SYTL5: variants seen among roughly 807,000 people sequenced by gnomAD.
SYTL5 encodes the protein synaptotagmin-like protein 5.
A neutral mutation model predicts 55.9 loss-of-function variants in SYTL5; 34 were observed. The ratio of observed to expected loss-of-function variants is 0.61; its 90% CI spans 0.46 to 0.81. The LOEUF (loss-of-function observed/expected upper bound fraction) is 0.81, where lower values mean the gene tolerates loss of function less well. Among genes scored for constraint, SYTL5 ranks in the 30% least tolerant of loss-of-function variants. The pLI is 0.00. For synonymous variants in SYTL5, 221 were observed against 188.7 expected (o/e 1.17, Z -1.40); for missense variants, 637 against 546.7 (o/e 1.17, Z -1.65).
At chrX:38,055,225 G>C (rs914735361) in intron 3 of SYTL5, among the ~76,000 whole-genome samples, 1 of 111,629 alleles carries the variant, frequency 9.0e-6, no homozygotes, top group African/African-American at 3.3e-5. Context: ...CCTCCAAACC[G>C]AATTTCCTCC....
At chrX:37,958,953 G>T in the SYTL5 span, among the ~76,000 whole-genome samples, 14 of 112,313 alleles carry the variant, frequency 1.2e-4, no homozygotes, top group Middle Eastern at 4.6e-3. Flanking sequence ...GGCGTGGGAG[G>T]GGGGGTTGGA....
chrX:38,117,727 T>A (rs1412448355), intron 13 of SYTL5, among the ~76,000 whole-genome samples: 1 of 111,906 alleles, frequency 8.9e-6, no homozygotes, highest in African/African-American at 3.2e-5. Flanking sequence ...TTACACATGA[T>A]GTTGACTGCT....
At chrX:37,906,913 G>A in the SYTL5 span, among the ~76,000 whole-genome samples, 1 of 112,133 alleles carries the variant, frequency 8.9e-6, no homozygotes, top group Non-Finnish European at 1.9e-5. Context: ...TCTAAGGTTA[G>A]GGACCTCCTT....
chrX:37,974,779 T>G, the SYTL5 span, among the ~76,000 whole-genome samples: 1 of 112,440 alleles, frequency 8.9e-6, no homozygotes, highest in Non-Finnish European at 1.9e-5. Flanking sequence ...GATAACAGAT[T>G]GTTGGGTTAT....
chrX:37,890,129 A>G, the SYTL5 span, among the ~76,000 whole-genome samples: 5 of 110,683 alleles, frequency 4.5e-5, no homozygotes, highest in Non-Finnish European at 9.5e-5. Context: ...AATTCTTAAC[A>G]GGACCTTTTT....
intron 10 of SYTL5, among the ~76,000 whole-genome samples, chrX:38,103,733 A>G (rs961510846): frequency 4.5e-5 from 5 of 111,099 alleles, no homozygotes; most frequent in African/African-American, 1.6e-4. Flanking sequence ...GACCAGCAAC[A>G]TTGCATCTCT....
At chrX:37,958,136 G>T in the SYTL5 span, among the ~76,000 whole-genome samples, 61 of 109,486 alleles carry the variant, frequency 5.6e-4, no homozygotes, top group African/African-American at 2.0e-3. Flanking sequence ...TTGAGCCTGG[G>T]AGGCGAAGGT....
In SYTL5 at chrX:38,094,338, G is replaced by T. The variant is rs1459901066; in HGVS notation, c.875G>T (p.Gly292Val). The T allele has an allele frequency of 8.3e-7, 1 of 1,201,411 alleles. No homozygotes were observed. Among genetic ancestry groups the T allele is most frequent in the African/African-American group, 1.8e-5 (1 of 56,823 alleles). The change falls in exon 8 of 17, where the codon GGT (glycine) becomes GTT (valine). Residue 292 changes from glycine (G) to valine (V), a missense_variant. Gly to Val is a moderately radical substitution (Grantham distance 109). Coordinates refer to ENST00000297875, the MANE Select transcript of SYTL5 (RefSeq NM_138780.3). The stretch of plus-strand genomic sequence containing the variant: ...TCCATGGATTTGGCTGCTATTGAAG[G>T]TACCTCTCAGGAGCTCACAAAGAGT... ...ENSMDLAAIE[G>V]TSQELTKSHR...
intron 3 of SYTL5, among the ~76,000 whole-genome samples, chrX:38,060,109 A>T (rs1359541076): frequency 1.8e-5 from 2 of 111,147 alleles, no homozygotes; most frequent in Non-Finnish European, 3.8e-5. Context: ...ATCTATCTAA[A>T]TATCATTACA....
chrX:37,964,419 A>T, the SYTL5 span, among the ~76,000 whole-genome samples: 3 of 112,169 alleles, frequency 2.7e-5, no homozygotes, highest in African/African-American at 9.7e-5. Context: ...ATGTTGAACC[A>T]TCCTTACATC....
chrX:37,983,486 A>T, the SYTL5 span, among the ~76,000 whole-genome samples: 1 of 112,506 alleles, frequency 8.9e-6, no homozygotes, highest in Non-Finnish European at 1.9e-5. Flanking sequence ...AGATATAACG[A>T]TAATGATCAT....
chrX:38,096,923 GT>G (rs1260712874), intron 9 of SYTL5, among the ~76,000 whole-genome samples: 8 of 111,157 alleles, frequency 7.2e-5, no homozygotes, highest in African/African-American at 2.6e-4. Flanking sequence ...GAGATGGGCA[GT>G]GAGATTAAAT....
Position 38,076,345 on chromosome X carries a change from C to T in SYTL5, c.555-222C>T, listed in dbSNP as rs778741278. ...CAGTCTTTTGCTTAGTAGTGACCTA[C>T]CAGCAAGTGGTACGGTCTTGAGAGA... is the stretch of plus-strand genomic sequence containing the variant. On this transcript the variant is annotated intron_variant, in intron 5 of 16. Coordinates refer to ENST00000297875, the MANE Select transcript of SYTL5 (RefSeq NM_138780.3). 2.7e-5 allele frequency among the ~76,000 whole-genome samples: 3 copies of T among 111,878 alleles called. No individual in the cohort carries two copies. In the South Asian group the frequency reaches 1.1e-3, roughly 42 times the overall value.
chrX:37,968,788 C>G, the SYTL5 span, among the ~76,000 whole-genome samples: 201 of 111,751 alleles, frequency 1.8e-3, no homozygotes, highest in Admixed American at 3.6e-3. Context: ...AGTGATTGTT[C>G]AGTAATGAGC....
chrX:37,894,300 G>A, the SYTL5 span, among the ~76,000 whole-genome samples: 1 of 111,436 alleles, frequency 9.0e-6, no homozygotes, highest in South Asian at 3.7e-4. Flanking sequence ...AATTTCTTTT[G>A]GGTATATACT....
intron 2 of SYTL5, among the ~76,000 whole-genome samples, chrX:38,045,912 G>T (rs916270288): frequency 8.9e-6 from 1 of 112,275 alleles, no homozygotes; most frequent in Non-Finnish European, 1.9e-5. Context: ...TATGTTGAAA[G>T]AAGCTGGGCG....
At chrX:38,042,580 C>A (rs997774978) in intron 2 of SYTL5, among the ~76,000 whole-genome samples, 3 of 111,694 alleles carry the variant, frequency 2.7e-5, no homozygotes, top group African/African-American at 9.8e-5. Flanking sequence ...TACCCTTTCC[C>A]TTCCTTGTGT....
chrX:38,079,897 T>C (rs781732751), intron 6 of SYTL5, among the ~76,000 whole-genome samples: 13 of 112,587 alleles, frequency 1.2e-4, no homozygotes, highest in Middle Eastern at 4.6e-3. Flanking sequence ...CAAGTGAAGA[T>C]ACAGGATGCC....
the SYTL5 span, among the ~76,000 whole-genome samples, chrX:37,959,441 A>T: frequency 8.9e-6 from 1 of 111,900 alleles, no homozygotes; most frequent in Non-Finnish European, 1.9e-5. Context: ...CATGGTTAAG[A>T]GAGTAGTTCT....
Sources: allele counts gnomAD v4.1 joint callset (sites outside exome capture counted in the v4.1 genomes callset), GRCh38; gene constraint gnomAD v4.1.1; transcripts MANE v1.5; gene names NCBI Gene and HGNC (gene_info 2026-07-23, HGNC 2026-07-21).